ZPBP: variants seen among roughly 807,000 people sequenced by gnomAD.
The protein encoded by ZPBP is zona pellucida-binding protein 1.
Under a neutral mutation model 44.8 loss-of-function variants are expected in ZPBP, and 26 were observed. That is an observed-to-expected ratio of 0.58 (90% confidence interval 0.43 to 0.81). The LOEUF is 0.81. Among genes scored for constraint, ZPBP ranks in the 30% least tolerant of loss-of-function variants. The probability of loss-of-function intolerance (pLI) is 0.00; values close to 1 mark genes in which losing one functional copy is unlikely to be tolerated. For missense variants in ZPBP, 409 were observed against 434.0 expected (o/e 0.94, Z 0.51); for synonymous variants, 174 against 153.2 (o/e 1.14, Z -1.00).
At chr7:49,991,165 T>C (rs1026161024) in intron 6 of ZPBP, among the ~76,000 whole-genome samples, 4 of 152,110 alleles carry the variant, frequency 2.6e-5, no homozygotes, top group African/African-American at 9.7e-5. Flanking sequence ...GTGTCTTGAA[T>C]GAACTGGAGA....
At chr7:49,985,930 C>G (rs865884521) in intron 6 of ZPBP, among the ~76,000 whole-genome samples, 7 of 152,150 alleles carry the variant, frequency 4.6e-5, no homozygotes, top group Non-Finnish European at 7.4e-5. Flanking sequence ...GTGTGGTGAC[C>G]TGGTATGCAA....
Position 50,020,786 on chromosome 7 carries a change from C to G in ZPBP, c.707-2470G>C, listed in dbSNP as rs535954258. 4.2e-4 allele frequency among the ~76,000 whole-genome samples: 64 copies of G among 152,010 alleles called. 2 individuals are homozygous for G. In the South Asian group the frequency reaches 0.013, roughly 30 times the overall value. ...GTCAGAATCAACTTTTGTCAGAACTCCAGAAAATGATCAAATGTTTACAAC... is the reference window on the plus strand; with the variant it reads ...GTCAGAATCAACTTTTGTCAGAACTGCAGAAAATGATCAAATGTTTACAAC... On this transcript the variant is annotated intron_variant, in intron 5 of 7. Transcript: ENST00000046087.
chr7:50,046,996 G>A (rs953437203), intron 4 of ZPBP, among the ~76,000 whole-genome samples: 2 of 152,166 alleles, frequency 1.3e-5, no homozygotes, highest in African/African-American at 2.4e-5. Context: ...TCCTTTGCAG[G>A]GACATGGAGG....
rs141251401 is a variant in ZPBP at position 49,902,187 on chromosome 7, G to T, written n.412-972C>A. Among the ~76,000 whole-genome samples, 682 of 151,836 alleles carry T rather than the reference G, an allele frequency of 4.5e-3. 3 individuals are homozygous for T. The highest frequency in any genetic ancestry group is 0.016 in the African/African-American group (645 of 41,460). On this transcript the variant is annotated intron_variant and non_coding_transcript_variant, in intron 1 of 2. Coordinates refer to the ZPBP transcript ENST00000465922. ...ATAATAAAGAAAGAATTGATGGGCT[G>T]GCCTCCATTAAAATTAAAAATTTTT...
intron 2 of ZPBP, among the ~76,000 whole-genome samples, chr7:49,871,872 T>C (rs1791162086): frequency 6.8e-6 from 1 of 146,430 alleles, no homozygotes; most frequent in Non-Finnish European, 1.5e-5. Flanking sequence ...CATATGTGCA[T>C]ATATAATGTT....
intron 4 of ZPBP, among the ~76,000 whole-genome samples, chr7:50,050,798 A>AAC (rs1800652871): frequency 6.7e-6 from 1 of 149,986 alleles, no homozygotes; most frequent in East Asian, 1.9e-4. Flanking sequence ...CAAAAAAAAA[A>AAC]AAAAAAAAAA....
At chr7:50,030,079 T>TG (rs1799533398) in intron 5 of ZPBP, among the ~76,000 whole-genome samples, 1 of 152,156 alleles carries the variant, frequency 6.6e-6, no homozygotes, top group African/African-American at 2.4e-5. Context: ...GGTCCCAAAC[T>TG]CCTGACCTCA....
chr7:49,875,814 T>A (rs1791392219), intron 2 of ZPBP, among the ~76,000 whole-genome samples: 1 of 152,134 alleles, frequency 6.6e-6, no homozygotes, highest in Non-Finnish European at 1.5e-5. Context: ...TTAGTATTGG[T>A]ATTATTATTC....
At chr7:49,848,280 C>T (rs1391799136), downstream of ZPBP, among the ~76,000 whole-genome samples, 1 of 152,198 alleles carries the variant, frequency 6.6e-6, no homozygotes, top group East Asian at 1.9e-4. Context: ...ACCCTCCCAC[C>T]TCCACTCAGA....
chr7:49,889,831 G>A (rs1400848219), intron 2 of ZPBP, among the ~76,000 whole-genome samples: 3 of 152,096 alleles, frequency 2.0e-5, no homozygotes, highest in African/African-American at 4.8e-5. Flanking sequence ...ACAAATAGGT[G>A]CCCCAGTATG....
intron 2 of ZPBP, among the ~76,000 whole-genome samples, chr7:50,083,984 T>C (rs1188652187): frequency 6.6e-6 from 1 of 151,994 alleles, no homozygotes; most frequent in African/African-American, 2.4e-5. Context: ...TTCTGTTTGA[T>C]CCTGTATAAC....
At chr7:49,843,513 G>A in the ZPBP span, among the ~76,000 whole-genome samples, 8 of 152,180 alleles carry the variant, frequency 5.3e-5, no homozygotes, top group South Asian at 2.1e-4. Context: ...ACTAATTCAC[G>A]ATAATTTGAC....
intron 6 of ZPBP, among the ~76,000 whole-genome samples, chr7:50,002,769 A>G (rs1180703450): frequency 2.0e-5 from 3 of 152,238 alleles, no homozygotes; most frequent in African/African-American, 4.8e-5. Context: ...TTTAGAAGTC[A>G]TAAAAGCAAT....
At chr7:49,940,790 AT>A in intron 7 of ZPBP, 1 of 985,316 alleles carries the variant, frequency 1.0e-6, no homozygotes. Context: ...AGCAGACTAA[AT>A]TTATGACCTT....
intron 1 of ZPBP, among the ~76,000 whole-genome samples, chr7:49,926,088 C>G (rs760812755): frequency 1.3e-5 from 2 of 152,174 alleles, no homozygotes; most frequent in Non-Finnish European, 2.9e-5. Context: ...CATAGTGAAG[C>G]ATTCCATCTG....
At chr7:49,995,005 C>T (rs1274319642) in intron 6 of ZPBP, among the ~76,000 whole-genome samples, 1 of 152,094 alleles carries the variant, frequency 6.6e-6, no homozygotes, top group Non-Finnish European at 1.5e-5. Flanking sequence ...CAACAACATA[C>T]CCTTCACCCT....
intron 2 of ZPBP, among the ~76,000 whole-genome samples, chr7:50,084,585 G>T (rs1197285257): frequency 1.3e-5 from 2 of 151,826 alleles, no homozygotes; most frequent in Admixed American, 6.6e-5. Flanking sequence ...CATGACAGAA[G>T]AAATGGTGGG....
intron 7 of ZPBP, among the ~76,000 whole-genome samples, chr7:49,941,445 A>G (rs773991141): frequency 6.6e-6 from 1 of 152,200 alleles, no homozygotes; most frequent in African/African-American, 2.4e-5. Flanking sequence ...TAAATTCAGC[A>G]AAGTAGTAGG....
chr7:49,859,977 CTTATAT>C (rs1790586117), intron 2 of ZPBP, among the ~76,000 whole-genome samples: 1 of 151,568 alleles, frequency 6.6e-6, no homozygotes, highest in Middle Eastern at 3.4e-3. Flanking sequence ...TAAATATATA[CTTATAT>C]TTATATACAT....
Sources: allele counts gnomAD v4.1 joint callset (sites outside exome capture counted in the v4.1 genomes callset), GRCh38; gene constraint gnomAD v4.1.1; transcripts MANE v1.5; gene names NCBI Gene and HGNC (gene_info 2026-07-23, HGNC 2026-07-21).